Variants in DPF2 observed in about 807,000 individuals in gnomAD.
DPF2 encodes double PHD fingers 2.
DPF2 carries 10 observed loss-of-function variants against 59.6 expected under a neutral mutation model. The ratio of observed to expected loss-of-function variants is 0.17; its 90% CI spans 0.10 to 0.28. The LOEUF is 0.28. DPF2 is among the 10% of genes least tolerant of loss of function. The pLI, the probability that DPF2 is intolerant of heterozygous loss-of-function variation, is 1.00. For missense variants in DPF2, 315 were observed against 509.4 expected (o/e 0.62, Z 3.67); for synonymous variants, 189 against 190.6 (o/e 0.99, Z 0.07).
At chr11:65,344,175 C>A in intron 6 of DPF2, 106 bp downstream of exon 6, 1 of 1,176,430 alleles carries the variant, frequency 8.5e-7, no homozygotes, top group Non-Finnish European at 1.2e-6. Flanking sequence ...TTAAAACAAA[C>A]CTGGGCTCTT....
chr11:65,351,761 G>A lies in DPF2; in HGVS notation c.*2G>A, dbSNP rs1246824997. The A allele has an allele frequency of 6.2e-7, 1 of 1,612,830 alleles. No homozygotes were observed. Among genetic ancestry groups the A allele is most frequent in the Non-Finnish European group, 8.5e-7 (1 of 1,180,006 alleles). The stretch of plus-strand genomic sequence containing the variant: ...TACCAGAACCAGAACTCCTCTTGAT[G>A]TGGCCACCCACCTGCTCCCCGACAT... On this transcript the variant is annotated 3_prime_UTR_variant, in exon 11 of 11. Transcript: ENST00000528416.
In DPF2 at chr11:65,354,044, A is replaced by T. The variant is rs1419148875; in HGVS notation, c.*2285A>T. On this transcript the variant is annotated 3_prime_UTR_variant, in exon 11 of 11. Coordinates refer to ENST00000528416, the MANE Select transcript of DPF2 (RefSeq NM_006268.5). The stretch of plus-strand genomic sequence containing the variant: ...GGAGAGTTGGACAGTGTCAGCCGGT[A>T]GGACGGGGGTGCGGACGGAAGCCTG... Among the ~76,000 whole-genome samples the T allele has an allele frequency of 6.6e-6, 1 of 152,216 alleles. No homozygotes were observed.
chr11:65,342,487 CT>C, intron 4 of DPF2, among the ~76,000 whole-genome samples: 1 of 152,264 alleles, frequency 6.6e-6, no homozygotes, highest in Admixed American at 6.5e-5. Context: ...GTGCTTTACT[CT>C]TTTATCACAA....
Position 65,340,075 on chromosome 11 carries a change from C to T in DPF2, c.33-310C>T, listed in dbSNP as rs571695174. Among the ~76,000 whole-genome samples, 4 of 152,288 alleles carry T rather than the reference C, an allele frequency of 2.6e-5. No individual in the cohort carries two copies. The South Asian group carries it at 8.3e-4, about 32-fold the overall frequency. ...AAGAGAAATAGCATCTTAACTAGCA[C>T]AGGGGTGGGCTTGTGAGACACGTGG... On this transcript the variant is annotated intron_variant, in intron 1 of 10. Coordinates refer to ENST00000528416, the MANE Select transcript of DPF2 (RefSeq NM_006268.5).
chr11:65,350,374 CTTTTTTTT>C (rs529951680), intron 10 of DPF2, among the ~76,000 whole-genome samples: 1 of 128,778 alleles, frequency 7.8e-6, no homozygotes, highest in Non-Finnish European at 1.7e-5. Context: ...TTCTTTCTTT[CTTTTTTTT>C]TTTTTTTTTT....
intron 2 of DPF2, among the ~76,000 whole-genome samples, 188 bp from the exon 3 acceptor site, chr11:65,340,778 A>G (rs1031299818): frequency 3.3e-5 from 5 of 152,142 alleles, no homozygotes; most frequent in Non-Finnish European, 5.9e-5. Context: ...TGTGTTAGCC[A>G]AGGCCCTGAA....
chr11:65,345,000 G>C, intron 6 of DPF2: 1 of 263,728 alleles, frequency 3.8e-6, no homozygotes, highest in Non-Finnish European at 7.1e-6. Flanking sequence ...TTTCCTGCTG[G>C]CCCCCTTGCC....
Position 65,339,040 on chromosome 11 carries a change from G to A in DPF2, c.33-1345G>A, listed in dbSNP as rs4647571. On this transcript the variant is annotated intron_variant, in intron 1 of 10. Coordinates refer to ENST00000528416, the MANE Select transcript of DPF2 (RefSeq NM_006268.5). ...CCAGGTCTTTTTACTCTCAAGTCAA[G>A]TCTGACTGTATCTCAGACATCGTCA... Among the ~76,000 whole-genome samples, 1,101 of 152,260 alleles carry A rather than the reference G, an allele frequency of 7.2e-3. 5 individuals carry two copies. Among genetic ancestry groups the A allele is most frequent in the Non-Finnish European group, 0.012 (814 of 68,030 alleles).
In DPF2 at chr11:65,353,654, GT is replaced by G. The variant is rs1854787829; in HGVS notation, c.*1900del. 6.6e-6 allele frequency among the ~76,000 whole-genome samples: 1 copy of G among 152,222 alleles called. No homozygotes were observed. The highest frequency in any genetic ancestry group is 1.5e-5 in the Non-Finnish European group (1 of 68,034). On this transcript the variant is annotated 3_prime_UTR_variant, in exon 11 of 11. Transcript: ENST00000528416. ...TGTGTGTTTTAGAAGTCCAACTGTT[GT>G]TTTTATGTTTTTAAAGGAAAGATTT...
chr11:65,335,740 A>G (rs1184506771), intron 1 of DPF2, among the ~76,000 whole-genome samples: 2 of 152,150 alleles, frequency 1.3e-5, no homozygotes, highest in Non-Finnish European at 1.5e-5. Flanking sequence ...TCTTGATTAT[A>G]GTGTGCCTAG....
At chr11:65,343,666 G>A in intron 4 of DPF2, 79 bp from the exon 5 acceptor site, 1 of 1,400,190 alleles carries the variant, frequency 7.1e-7, no homozygotes, top group Non-Finnish European at 9.9e-7. Context: ...GAGGTTCTGG[G>A]TGGCCTTGGC....
chr11:65,346,200 C>G, intron 8 of DPF2, 47 bp from the exon 9 acceptor site: 1 of 1,600,360 alleles, frequency 6.2e-7, no homozygotes, highest in Non-Finnish European at 8.5e-7. Context: ...CTCCTCTCTT[C>G]CCCCCGCATT....
chr11:65,333,895 T>G lies in DPF2; in HGVS notation c.9T>G (p.Ala3=), dbSNP rs137933237. MA[A]VVENVVKLLG... The stretch of plus-strand genomic sequence containing the variant: ...GCAGAGGAACAGGGAAGATGGCGGC[T>G]GTGGTGGAGAATGTAGTGAAGCTGT... Residue 3 remains alanine (A), a synonymous_variant, in exon 1 of 11, where the codon GCT becomes GCG. Transcript: ENST00000528416. The G allele has an allele frequency of 2.1e-4, 334 of 1,613,806 alleles. No homozygotes were observed. The highest frequency in any genetic ancestry group is 2.6e-4 in the Non-Finnish European group (309 of 1,179,932).
Position 65,334,169 on chromosome 11 carries a change from G to A in DPF2, c.32+251G>A, listed in dbSNP as rs936573061. ...CCCTGCGGGGCTGTGTGGCCTCAGC[G>A]TTCCTCGGGGCTGACGGTTTCCAGA... On this transcript the variant is annotated intron_variant, in intron 1 of 10. Transcript: ENST00000528416. Among the ~76,000 whole-genome samples the A allele has an allele frequency of 3.3e-5, 5 of 152,192 alleles. No homozygotes were observed. In the South Asian group the frequency reaches 1.0e-3, roughly 31 times the overall value.
rs968770787 is a variant in DPF2, at chr11:65,340,267, G to C, written c.33-118G>C. 4.9e-6 allele frequency: 6 copies of C among 1,223,430 alleles called. No homozygotes were observed. The African/African-American group carries it at 7.6e-5, about 15-fold the overall frequency. 75.8% of individuals were successfully genotyped at this position (1,223,430 alleles called of 1,614,324 possible). A position where few individuals can be genotyped will look rare whatever the true frequency, so the allele number is the denominator to read the frequency against. ...AGAAGTGGAGGCAAATAGAACGGAAGAGACAGCCACCCAGTCCCTTGAGCC... is the reference window on the plus strand; with the variant it reads ...AGAAGTGGAGGCAAATAGAACGGAACAGACAGCCACCCAGTCCCTTGAGCC... On this transcript the variant is annotated intron_variant, in intron 1 of 10. Transcript: ENST00000528416.
At chr11:65,351,136 G>A (rs1854686151) in intron 10 of DPF2, among the ~76,000 whole-genome samples, 1 of 152,102 alleles carries the variant, frequency 6.6e-6, no homozygotes, top group African/African-American at 2.4e-5. Context: ...TGAGTCACCT[G>A]TTTCTGAAGA....
chr11:65,337,534 G>GAA (rs1565527954), intron 1 of DPF2, among the ~76,000 whole-genome samples: 62 of 135,944 alleles, frequency 4.6e-4, no homozygotes, highest in African/African-American at 1.6e-3. Flanking sequence ...GAGAGAGAGA[G>GAA]AGAGAGAGAG....
intron 1 of DPF2, among the ~76,000 whole-genome samples, chr11:65,337,474 A>AATATATATAT (rs1196397460): frequency 1.3e-4 from 6 of 46,480 alleles, no homozygotes; most frequent in African/African-American, 2.0e-4. Context: ...AAAAAAAAAA[A>AATATATATAT]ATATATATAT....
At chr11:65,337,102 A>T (rs1410957199) in intron 1 of DPF2, among the ~76,000 whole-genome samples, 1 of 152,170 alleles carries the variant, frequency 6.6e-6, no homozygotes, top group African/African-American at 2.4e-5. Context: ...CGTTCTTACT[A>T]GGAAAGTAAA....
Sources: allele counts gnomAD v4.1 joint callset (sites outside exome capture counted in the v4.1 genomes callset), GRCh38; gene constraint gnomAD v4.1.1; transcripts MANE v1.5; gene names NCBI Gene and HGNC (gene_info 2026-07-23, HGNC 2026-07-21).